Variants in PTPRT observed in about 807,000 individuals in gnomAD.
PTPRT encodes the protein protein tyrosine phosphatase receptor type T, also known as receptor-type tyrosine-protein phosphatase T.
PTPRT carries 56 observed loss-of-function variants against 176.8 expected under a neutral mutation model. That is an observed-to-expected ratio of 0.32 (90% CI 0.26 to 0.40). PTPRT has a LOEUF of 0.40. Among genes scored for constraint, PTPRT ranks in the 10% least tolerant of loss-of-function variants. The pLI is 1.00. For synonymous variants in PTPRT, 783 were observed against 739.0 expected, an observed-to-expected ratio of 1.06 and a Z score of -0.96; for missense variants, 1,540 against 1,908.2, an observed-to-expected ratio of 0.81 and a Z score of 3.60.
At chr20:42,649,804 C>T (rs1474438261) in intron 7 of PTPRT, among the ~76,000 whole-genome samples, 6 of 152,138 alleles carry the variant, frequency 3.9e-5, no homozygotes, top group African/African-American at 1.4e-4. Flanking sequence ...ACAAGAGAAC[C>T]TCTTTGCATT....
chr20:42,648,857 C>T (rs1249695639), intron 7 of PTPRT, among the ~76,000 whole-genome samples: 12 of 125,232 alleles, frequency 9.6e-5, no homozygotes, highest in East Asian at 9.0e-4. Context: ...CTGGCTCTGT[C>T]GCCCAGGCTG....
chr20:42,642,330 A>G (rs1479039551), intron 7 of PTPRT, among the ~76,000 whole-genome samples: 2 of 152,108 alleles, frequency 1.3e-5, no homozygotes, highest in East Asian at 3.9e-4. Context: ...TTATTTTCCA[A>G]CTGACTGAGA....
chr20:42,133,793 C>G (rs1258550034), intron 18 of PTPRT, among the ~76,000 whole-genome samples: 1 of 152,144 alleles, frequency 6.6e-6, no homozygotes, highest in Non-Finnish European at 1.5e-5. Flanking sequence ...GGAGGGAGTA[C>G]ATGGGAATGA....
At chr20:42,435,147 T>G (rs2059251005) in intron 9 of PTPRT, among the ~76,000 whole-genome samples, 1 of 152,194 alleles carries the variant, frequency 6.6e-6, no homozygotes, top group Admixed American at 6.5e-5. Flanking sequence ...TAGGAGTGTG[T>G]GTGTGTGTAT....
At chr20:43,005,176 C>T (rs1029083072) in intron 1 of PTPRT, among the ~76,000 whole-genome samples, 2 of 152,096 alleles carry the variant, frequency 1.3e-5, no homozygotes, top group African/African-American at 4.8e-5. Context: ...AGTTAAATCC[C>T]AGCTCTTCCT....
chr20:42,557,222 C>G (rs1179473665), intron 7 of PTPRT, among the ~76,000 whole-genome samples: 1 of 152,056 alleles, frequency 6.6e-6, no homozygotes, highest in African/African-American at 2.4e-5. Flanking sequence ...ATATTAAGTA[C>G]TCATTATATA....
At chr20:42,908,285 C>T (rs2079504030) in intron 1 of PTPRT, among the ~76,000 whole-genome samples, 1 of 152,086 alleles carries the variant, frequency 6.6e-6, no homozygotes, top group African/African-American at 2.4e-5. Flanking sequence ...CACCCAGAAG[C>T]ACGTCTGAAT....
chr20:43,052,260 C>T (rs976751941), intron 1 of PTPRT, among the ~76,000 whole-genome samples: 1 of 152,208 alleles, frequency 6.6e-6, no homozygotes, highest in African/African-American at 2.4e-5. Context: ...ATTCAAAATT[C>T]AGCATAAATG....
intron 9 of PTPRT, among the ~76,000 whole-genome samples, chr20:42,396,768 G>T (rs137932629): frequency 2.0e-3 from 307 of 152,226 alleles, no homozygotes; most frequent in Non-Finnish European, 3.7e-3. Context: ...CACCATGTTG[G>T]CCAGGCTGGA....
chr20:42,829,659 A>G (rs937845829), intron 2 of PTPRT, among the ~76,000 whole-genome samples: 10 of 152,212 alleles, frequency 6.6e-5, no homozygotes, highest in Non-Finnish European at 1.5e-4. Context: ...CAAAAGATCA[A>G]TGAATCCAGG....
At chr20:42,243,997 G>T (rs2056404918) in intron 14 of PTPRT, among the ~76,000 whole-genome samples, 1 of 152,190 alleles carries the variant, frequency 6.6e-6, no homozygotes, top group South Asian at 2.1e-4. Flanking sequence ...ACAGTTGATG[G>T]TCATGTGGAG....
Position 42,271,806 on chromosome 20 carries a change from C to G in PTPRT, c.2176+10683G>C, listed in dbSNP as rs534343879. Among the ~76,000 whole-genome samples the G allele has an allele frequency of 2.0e-5, 3 of 152,250 alleles. No homozygotes were observed. The South Asian group carries it at 6.2e-4, about 32-fold the overall frequency. On this transcript the variant is annotated intron_variant, in intron 13 of 30. Transcript: ENST00000373187. ...GCTTGTCCAGGGACTGCAGCTTTCT[C>G]CAGTGATCCATCAACAAAACTGCAG...
At chr20:43,103,036 A>G (rs1357808425) in intron 1 of PTPRT, among the ~76,000 whole-genome samples, 1 of 152,058 alleles carries the variant, frequency 6.6e-6, no homozygotes, top group Non-Finnish European at 1.5e-5. Context: ...AAGACCAGAG[A>G]TGAATGTCAG....
chr20:42,121,604 T>G (rs1394275414), intron 19 of PTPRT, among the ~76,000 whole-genome samples: 1 of 152,014 alleles, frequency 6.6e-6, no homozygotes, highest in African/African-American at 2.4e-5. Flanking sequence ...AGCTACTTAG[T>G]CTCATTGTGC....
chr20:42,752,768 C>T (rs2076784596), intron 6 of PTPRT, among the ~76,000 whole-genome samples: 1 of 152,166 alleles, frequency 6.6e-6, no homozygotes, highest in Admixed American at 6.5e-5. Context: ...CCTGGCTCCG[C>T]AAAGGCAAAG....
intron 6 of PTPRT, among the ~76,000 whole-genome samples, chr20:42,744,875 A>G (rs2076669303): frequency 6.6e-6 from 1 of 152,214 alleles, no homozygotes; most frequent in African/African-American, 2.4e-5. Context: ...CTTAAACTGG[A>G]ACTATTATCA....
At chr20:42,995,343 A>G (rs1381353173) in intron 1 of PTPRT, among the ~76,000 whole-genome samples, 1 of 152,178 alleles carries the variant, frequency 6.6e-6, no homozygotes, top group East Asian at 1.9e-4. Context: ...TTTAAGTCAG[A>G]GGGCATATTG....
intron 2 of PTPRT, among the ~76,000 whole-genome samples, chr20:42,829,680 T>C (rs1412673685): frequency 1.3e-5 from 2 of 152,160 alleles, no homozygotes; most frequent in Non-Finnish European, 1.5e-5. Context: ...AGTTGGTTTT[T>C]TGAAAAAGTT....
At chr20:42,696,162 C>A (rs1238452642) in intron 6 of PTPRT, among the ~76,000 whole-genome samples, 2 of 151,822 alleles carry the variant, frequency 1.3e-5, no homozygotes, top group African/African-American at 2.4e-5. Flanking sequence ...TCCCTCTCCC[C>A]TAAACCCTCT....
Sources: allele counts gnomAD v4.1 joint callset (sites outside exome capture counted in the v4.1 genomes callset), GRCh38; gene constraint gnomAD v4.1.1; transcripts MANE v1.5; gene names NCBI Gene and HGNC (gene_info 2026-07-23, HGNC 2026-07-21).